The following ACYP2 variants were observed in gnomAD, a reference collection of about 807,000 sequenced individuals.
The protein encoded by ACYP2 is acylphosphatase-2.
In ACYP2, 12 loss-of-function variants were observed where a neutral mutation model predicts 11.2. The observed-to-expected ratio is 1.08, with a 90% confidence interval of 0.69 to 1.74. The LOEUF is 1.74. Among genes scored for constraint, ACYP2 ranks in the 40% most tolerant of loss-of-function variants. The probability of loss-of-function intolerance (pLI) is 0.00; values close to 1 mark genes in which losing one functional copy is unlikely to be tolerated. For missense variants in ACYP2, 134 were observed against 101.9 expected (o/e 1.31, Z -1.35); for synonymous variants, 43 against 32.2 (o/e 1.33, Z -1.13).
intron 3 of ACYP2, among the ~76,000 whole-genome samples, chr2:54,053,634 G>C (rs970749399): frequency 6.6e-6 from 1 of 152,260 alleles, no homozygotes; most frequent in East Asian, 1.9e-4. Flanking sequence ...GCCATCTCTG[G>C]GCTGTGCAAC....
intron 6 of ACYP2, among the ~76,000 whole-genome samples, chr2:54,181,841 C>T (rs1198079701): frequency 6.6e-6 from 1 of 151,946 alleles, no homozygotes; most frequent in Non-Finnish European, 1.5e-5. Flanking sequence ...TGAATTTTTA[C>T]CCCACTGCTA....
At chr2:54,061,210 AC>A (rs1676453482) in intron 4 of ACYP2, among the ~76,000 whole-genome samples, 2 of 152,152 alleles carry the variant, frequency 1.3e-5, no homozygotes, top group Admixed American at 6.6e-5. Flanking sequence ...TGGCAATCCA[AC>A]TTTTGGATAT....
At chr2:54,178,186 C>T (rs564106756) in intron 6 of ACYP2, among the ~76,000 whole-genome samples, 1 of 152,140 alleles carries the variant, frequency 6.6e-6, no homozygotes, top group Non-Finnish European at 1.5e-5. Context: ...TGTATAATTT[C>T]ATCATGTAGA....
intron 6 of ACYP2, among the ~76,000 whole-genome samples, chr2:54,164,401 C>T (rs1323976344): frequency 1.3e-5 from 2 of 152,108 alleles, no homozygotes; most frequent in Non-Finnish European, 2.9e-5. Flanking sequence ...CAGGGTGACC[C>T]AATCATAATG....
At chr2:54,065,616 T>C (rs912928129) in intron 4 of ACYP2, 3 of 397,732 alleles carry the variant, frequency 7.5e-6, no homozygotes, top group African/African-American at 4.1e-5. Flanking sequence ...TGTGAGTAAG[T>C]GGAAAGCCAT....
chr2:54,272,530 C>G (rs1406073757), intron 6 of ACYP2, among the ~76,000 whole-genome samples: 1 of 152,146 alleles, frequency 6.6e-6, no homozygotes, highest in Non-Finnish European at 1.5e-5. Flanking sequence ...ACCCATCAGC[C>G]CTTTGAGGTT....
chr2:54,298,386 T>C (rs1689600741), intron 6 of ACYP2, among the ~76,000 whole-genome samples: 1 of 152,230 alleles, frequency 6.6e-6, no homozygotes, highest in East Asian at 1.9e-4. Flanking sequence ...TGGCATATTT[T>C]GAACGCATGC....
At chr2:54,160,752 CCTT>C (rs1682676044) in intron 6 of ACYP2, among the ~76,000 whole-genome samples, 1 of 152,162 alleles carries the variant, frequency 6.6e-6, no homozygotes, top group Non-Finnish European at 1.5e-5. Context: ...GTGAATTTGT[CCTT>C]CTGTCAGCAA....
chr2:54,067,514 A>G (rs1468458171), intron 4 of ACYP2, among the ~76,000 whole-genome samples: 1 of 152,244 alleles, frequency 6.6e-6, no homozygotes, highest in East Asian at 1.9e-4. Flanking sequence ...ATGTTGAAAG[A>G]TGAGACTAGG....
intron 4 of ACYP2, among the ~76,000 whole-genome samples, chr2:54,116,119 G>A (rs1215013767): frequency 1.3e-5 from 2 of 152,174 alleles, no homozygotes; most frequent in African/African-American, 2.4e-5. Flanking sequence ...TGCCACTGAA[G>A]CTACCTGGGC....
intron 6 of ACYP2, among the ~76,000 whole-genome samples, chr2:54,280,353 G>T (rs969649568): frequency 6.6e-6 from 1 of 152,156 alleles, no homozygotes; most frequent in African/African-American, 2.4e-5. Context: ...GAGCACATTG[G>T]GTAAGGGAGG....
At chr2:53,971,840 G>A (rs1186326656) in intron 1 of ACYP2, among the ~76,000 whole-genome samples, 1 of 152,216 alleles carries the variant, frequency 6.6e-6, no homozygotes, top group Non-Finnish European at 1.5e-5. Context: ...TGAGAGAACA[G>A]CTTTGACGCT....
intron 6 of ACYP2, among the ~76,000 whole-genome samples, chr2:54,152,467 T>C (rs1682225701): frequency 6.6e-6 from 1 of 152,122 alleles, no homozygotes; most frequent in Admixed American, 6.5e-5. Context: ...TTTTGATAAA[T>C]GTATGATGGC....
At chr2:54,114,288 T>C (rs1326692715) in intron 4 of ACYP2, among the ~76,000 whole-genome samples, 1 of 151,830 alleles carries the variant, frequency 6.6e-6, no homozygotes, top group Non-Finnish European at 1.5e-5. Context: ...TGGATGGTTT[T>C]ATATTAAAAC....
At chr2:54,051,425 T>G in intron 3 of ACYP2, 1 of 717,490 alleles carries the variant, frequency 1.4e-6, no homozygotes, top group Admixed American at 2.0e-5. Context: ...GAAAGAGAAA[T>G]GAAAATCTAT....
At chr2:54,114,320 A>G (rs1162010218) in intron 4 of ACYP2, among the ~76,000 whole-genome samples, 1 of 151,896 alleles carries the variant, frequency 6.6e-6, no homozygotes, top group African/African-American at 2.4e-5. Context: ...TCACCAGGAA[A>G]TAAAATTCAG....
intron 6 of ACYP2, among the ~76,000 whole-genome samples, chr2:54,215,476 T>C (rs1236935065): frequency 6.6e-6 from 1 of 152,178 alleles, no homozygotes; most frequent in African/African-American, 2.4e-5. Context: ...AACTTAAAAA[T>C]ACATTTTATT....
At chr2:54,169,096 T>C (rs1378884578) in intron 6 of ACYP2, among the ~76,000 whole-genome samples, 2 of 152,248 alleles carry the variant, frequency 1.3e-5, no homozygotes, top group Non-Finnish European at 2.9e-5. Flanking sequence ...TTCTAAAGTA[T>C]GTTAGACTTA....
chr2:54,107,131 G>A (rs923350655), intron 4 of ACYP2, among the ~76,000 whole-genome samples: 3 of 152,138 alleles, frequency 2.0e-5, no homozygotes, highest in Admixed American at 6.5e-5. Flanking sequence ...TTGGGTAGAT[G>A]GTAGGTGGCA....
Sources: allele counts gnomAD v4.1 joint callset (sites outside exome capture counted in the v4.1 genomes callset), GRCh38; gene constraint gnomAD v4.1.1; transcripts MANE v1.5; gene names NCBI Gene and HGNC (gene_info 2026-07-23, HGNC 2026-07-21).